Variants in ADAM12 observed in about 807,000 individuals in gnomAD.
ADAM12 encodes ADAM metallopeptidase domain 12, also known as disintegrin and metalloproteinase domain-containing protein 12.
ADAM12 carries 70 observed loss-of-function variants against 106.4 expected under a neutral mutation model. That is an observed-to-expected ratio of 0.66 (90% CI 0.54 to 0.80). ADAM12 has a LOEUF of 0.80. Ranked by LOEUF, ADAM12 falls within the 30% of genes least tolerant of loss-of-function variation. The pLI is 0.00. For missense variants in ADAM12, 1,010 were observed against 1,171.9 expected (o/e 0.86, Z 2.02); for synonymous variants, 420 against 433.5 (o/e 0.97, Z 0.39).
intron 4 of ADAM12, among the ~76,000 whole-genome samples, chr10:126,137,985 C>T (rs1316972199): frequency 1.3e-5 from 2 of 152,160 alleles, no homozygotes; most frequent in African/African-American, 4.8e-5. Context: ...ACTGTTTTGC[C>T]AAGCAGCTGA....
At chr10:126,229,547 A>C (rs1456291832) in intron 3 of ADAM12, among the ~76,000 whole-genome samples, 1 of 152,102 alleles carries the variant, frequency 6.6e-6, no homozygotes, top group Non-Finnish European at 1.5e-5. Flanking sequence ...GAAAATATTA[A>C]TTAGCATTGA....
intron 2 of ADAM12, among the ~76,000 whole-genome samples, chr10:126,286,985 C>T (rs545487720): frequency 6.6e-6 from 1 of 152,318 alleles, no homozygotes; most frequent in East Asian, 1.9e-4. Flanking sequence ...CTTGGTTTTT[C>T]AGCTTGCTTC....
chr10:126,316,285 T>G (rs957029622), intron 2 of ADAM12, among the ~76,000 whole-genome samples: 3 of 152,162 alleles, frequency 2.0e-5, no homozygotes, highest in Admixed American at 2.0e-4. Context: ...TAAAGGATTC[T>G]CAATAAATAT....
At chr10:126,301,248 A>C (rs1960611197) in intron 2 of ADAM12, among the ~76,000 whole-genome samples, 1 of 152,256 alleles carries the variant, frequency 6.6e-6, no homozygotes, top group South Asian at 2.1e-4. Context: ...GCATTTAACC[A>C]GATGGTCTAT....
At chr10:126,158,527 T>G (rs1467414771) in intron 3 of ADAM12, among the ~76,000 whole-genome samples, 24 of 41,346 alleles carry the variant, frequency 5.8e-4, no homozygotes, top group Non-Finnish European at 7.9e-4. Flanking sequence ...ACGGGGAGGA[T>G]GCACAGAGCA....
At chr10:126,369,708 G>A (rs953219337) in intron 1 of ADAM12, among the ~76,000 whole-genome samples, 4 of 152,146 alleles carry the variant, frequency 2.6e-5, no homozygotes, top group Admixed American at 6.5e-5. Context: ...GAAAACAGAC[G>A]CTTTCACCTG....
At chr10:126,050,968 C>T (rs556010979) in intron 14 of ADAM12, among the ~76,000 whole-genome samples, 5 of 152,290 alleles carry the variant, frequency 3.3e-5, no homozygotes, top group Admixed American at 3.3e-4. Flanking sequence ...AAGATGAGGT[C>T]CCTAGCTCCT....
At chr10:126,370,271 C>T (rs1426390768) in intron 1 of ADAM12, among the ~76,000 whole-genome samples, 1 of 152,166 alleles carries the variant, frequency 6.6e-6, no homozygotes, top group African/African-American at 2.4e-5. Context: ...TGATAGTAAG[C>T]CACTAAGTTG....
Position 126,141,017 on chromosome 10 carries a change from G to A in ADAM12, c.340-5357C>T, listed in dbSNP as rs189375896. ...GTGAGCCTGTGCCCTGCCCAAGGGT[G>A]CACCTCTGCACGCACTGATGCTAAG... On this transcript the variant is annotated intron_variant, in intron 4 of 22. Transcript: ENST00000448723. 3.3e-5 allele frequency among the ~76,000 whole-genome samples: 5 copies of A among 152,350 alleles called. No individual in the cohort carries two copies. In the East Asian group the frequency reaches 7.7e-4, roughly 24 times the overall value.
chr10:126,105,055 G>A (rs1211821302), intron 8 of ADAM12, among the ~76,000 whole-genome samples: 4 of 152,172 alleles, frequency 2.6e-5, no homozygotes, highest in African/African-American at 9.6e-5. Context: ...TGCTGGGGAT[G>A]GACAGGGATG....
chr10:126,226,521 A>T (rs987348445), intron 3 of ADAM12, among the ~76,000 whole-genome samples: 30 of 151,868 alleles, frequency 2.0e-4, no homozygotes, highest in Non-Finnish European at 2.5e-4. Flanking sequence ...TGGGCTGTCG[A>T]CTCTGACGGG....
At chr10:126,178,368 A>G (rs970725916) in intron 3 of ADAM12, among the ~76,000 whole-genome samples, 2 of 124,116 alleles carry the variant, frequency 1.6e-5, no homozygotes, top group African/African-American at 6.1e-5. Flanking sequence ...AAATACTTAT[A>G]TTTCCTTTTT....
intron 3 of ADAM12, among the ~76,000 whole-genome samples, chr10:126,261,701 T>C (rs564679066): frequency 6.6e-6 from 1 of 152,070 alleles, no homozygotes; most frequent in Non-Finnish European, 1.5e-5. Flanking sequence ...ATATGCAGTA[T>C]GGCATCAAGC....
intron 3 of ADAM12, among the ~76,000 whole-genome samples, chr10:126,169,419 C>T (rs1957080405): frequency 6.6e-6 from 1 of 152,124 alleles, no homozygotes. Flanking sequence ...TGTCTGGGTC[C>T]CTCCCCAGCC....
intron 2 of ADAM12, among the ~76,000 whole-genome samples, chr10:126,326,590 C>T (rs990347392): frequency 2.0e-5 from 3 of 152,304 alleles, no homozygotes; most frequent in African/African-American, 7.2e-5. Context: ...GACAGTTGCA[C>T]TGGATTCCCC....
intron 17 of ADAM12, among the ~76,000 whole-genome samples, chr10:126,045,835 G>T (rs865857073): frequency 2.6e-5 from 4 of 152,178 alleles, no homozygotes; most frequent in Admixed American, 1.3e-4. Context: ...ATCATAGAAT[G>T]TTAATTTAAA....
chr10:126,198,883 G>A (rs1481437396), intron 3 of ADAM12, among the ~76,000 whole-genome samples: 3 of 151,672 alleles, frequency 2.0e-5, no homozygotes, highest in Non-Finnish European at 4.4e-5. Context: ...TGAGAAAAGA[G>A]GAGAACATTT....
At chr10:126,148,005 ACAG>A (rs1226852126) in intron 4 of ADAM12, among the ~76,000 whole-genome samples, 3 of 152,176 alleles carry the variant, frequency 2.0e-5, no homozygotes, top group Non-Finnish European at 4.4e-5. Flanking sequence ...TGGCATGTAA[ACAG>A]CAGAAATGTC....
chr10:126,226,208 G>C (rs972397214), intron 3 of ADAM12, among the ~76,000 whole-genome samples: 3 of 126,558 alleles, frequency 2.4e-5, no homozygotes, highest in East Asian at 2.6e-4. Flanking sequence ...GGGGCGGGGG[G>C]AGTGGGGTGG....
Sources: gnomAD v4.1 joint callset for allele counts (sites outside exome capture counted in the v4.1 genomes callset) on GRCh38, gnomAD v4.1.1 for gene constraint, MANE v1.5 for transcripts, NCBI Gene and HGNC (gene_info 2026-07-23, HGNC 2026-07-21) for gene names.